Variants in CDC5L observed in about 807,000 individuals in gnomAD.
CDC5L encodes cell division cycle 5 like.
In CDC5L, 18 loss-of-function variants were observed where a neutral mutation model predicts 104.1. The ratio of observed to expected loss-of-function variants is 0.17; its 90% CI spans 0.12 to 0.26. The LOEUF (loss-of-function observed/expected upper bound fraction) is 0.26. Among genes scored for constraint, CDC5L ranks in the 10% least tolerant of loss-of-function variants. The probability of loss-of-function intolerance (pLI) is 1.00; values close to 1 mark genes in which losing one functional copy is unlikely to be tolerated. For synonymous variants in CDC5L, 331 were observed against 322.7 expected (o/e 1.03, Z -0.28); for missense variants, 673 against 956.9 (o/e 0.70, Z 3.91).
At chr6:44,412,039 G>T (rs1791665869) in intron 8 of CDC5L, among the ~76,000 whole-genome samples, 1 of 152,158 alleles carries the variant, frequency 6.6e-6, no homozygotes, top group Non-Finnish European at 1.5e-5. Context: ...AAACTGTATA[G>T]ACCTGTTAAT....
rs147889910 is a variant in CDC5L at position 44,390,327 on chromosome 6, C to T, written c.105C>T (p.Ala35=). 4 of 1,613,090 alleles carry T rather than the reference C, an allele frequency of 2.5e-6. No homozygotes were observed. The highest frequency in any genetic ancestry group is 3.3e-5 in the Admixed American group (2 of 59,974). The change falls in exon 2 of 16, where the codon GCC becomes GCT. Residue 35 remains alanine, a synonymous_variant. Coordinates refer to ENST00000371477, the MANE Select transcript of CDC5L (RefSeq NM_001253.4). ...KYGKNQWSRI[A]SLLHRKSAKQ... ...GGAAAAATCAGTGGTCTAGGATTGCCTCATTGCTGCATAGAAAATCAGCAA... is the reference window on the plus strand; with the variant it reads ...GGAAAAATCAGTGGTCTAGGATTGCTTCATTGCTGCATAGAAAATCAGCAA...
intron 5 of CDC5L, among the ~76,000 whole-genome samples, chr6:44,397,954 T>C (rs1790944822): frequency 1.3e-5 from 2 of 152,218 alleles, no homozygotes; most frequent in Non-Finnish European, 2.9e-5. Flanking sequence ...GCTTCTGGGA[T>C]TCAGGCCCTA....
chr6:44,399,354 CT>C (rs1328049953), intron 5 of CDC5L, among the ~76,000 whole-genome samples: 3 of 152,174 alleles, frequency 2.0e-5, no homozygotes, highest in African/African-American at 7.2e-5. Context: ...GTTCATTGAG[CT>C]TACTGGATGT....
At chr6:44,417,778 G>T (rs1791971809) in intron 8 of CDC5L, among the ~76,000 whole-genome samples, 1 of 152,164 alleles carries the variant, frequency 6.6e-6, no homozygotes. Context: ...AAGGTTGCTT[G>T]GGAGTATCTT....
At chr6:44,423,513 GT>G (rs1476739591) in intron 10 of CDC5L, among the ~76,000 whole-genome samples, 1 of 152,170 alleles carries the variant, frequency 6.6e-6, no homozygotes, top group Non-Finnish European at 1.5e-5. Flanking sequence ...TGTGCTTAGG[GT>G]AGTTAAAGAA....
rs555564462 is a variant in CDC5L, at chr6:44,405,286, A to T, written c.759-1037A>T. Among the ~76,000 whole-genome samples, 94 of 152,360 alleles carry T rather than the reference A, an allele frequency of 6.2e-4. 1 individual carries two copies. In the South Asian group the frequency reaches 0.018, roughly 30 times the overall value. ...TGTTACAAAACAACAGCTATCAGCC[A>T]TTGTAAAATAGGATTTTCTTAGATG... is the stretch of plus-strand genomic sequence containing the variant. On this transcript the variant is annotated intron_variant, in intron 6 of 15. Coordinates refer to ENST00000371477, the MANE Select transcript of CDC5L (RefSeq NM_001253.4).
chr6:44,435,497 G>C (rs918545175), intron 14 of CDC5L: 3 of 152,336 alleles, frequency 2.0e-5, no homozygotes, highest in African/African-American at 7.3e-5. Flanking sequence ...ATTTTTCAGG[G>C]AGCTGTCTGG....
chr6:44,391,138 A>T (rs9381317), intron 2 of CDC5L, among the ~76,000 whole-genome samples: 1 of 144,840 alleles, frequency 6.9e-6, no homozygotes, highest in East Asian at 1.9e-4. Context: ...TATGTTATAT[A>T]TTATATATTA....
chr6:44,397,960 C>G (rs1395639201), intron 5 of CDC5L, among the ~76,000 whole-genome samples: 2 of 152,148 alleles, frequency 1.3e-5, no homozygotes, highest in Non-Finnish European at 2.9e-5. Flanking sequence ...GGGATTCAGG[C>G]CCTAGAATAA....
chr6:44,406,975 T>C (rs1212704713), intron 7 of CDC5L, among the ~76,000 whole-genome samples: 3 of 152,144 alleles, frequency 2.0e-5, no homozygotes, highest in Non-Finnish European at 2.9e-5. Context: ...TGATATAGTA[T>C]GATAAGATAG....
intron 8 of CDC5L, among the ~76,000 whole-genome samples, chr6:44,414,037 A>G (rs2153379396): frequency 6.6e-6 from 1 of 152,254 alleles, no homozygotes; most frequent in South Asian, 2.1e-4. Context: ...CATTTCCCTA[A>G]TAGCTAATGA....
chr6:44,439,991 T>G (rs1459625765), intron 14 of CDC5L, among the ~76,000 whole-genome samples: 1 of 152,208 alleles, frequency 6.6e-6, no homozygotes, highest in African/African-American at 2.4e-5. Flanking sequence ...AGGAGACATA[T>G]AATCATTGCC....
chr6:44,439,244 T>C (rs1394786314), intron 14 of CDC5L, among the ~76,000 whole-genome samples: 1 of 152,210 alleles, frequency 6.6e-6, no homozygotes, highest in Non-Finnish European at 1.5e-5. Context: ...ATTTTATTTA[T>C]CCATTTATCA....
chr6:44,387,907 C>T (rs1365324210), intron 1 of CDC5L, 39 bp downstream of exon 1: 1 of 1,548,748 alleles, frequency 6.5e-7, no homozygotes, highest in African/African-American at 1.4e-5. Context: ...CCCGCCGCTC[C>T]CTCTAGCAGC....
intron 4 of CDC5L, 53 bp from the exon 5 acceptor site, chr6:44,396,288 G>T: frequency 8.7e-7 from 1 of 1,152,056 alleles, no homozygotes; most frequent in South Asian, 1.3e-5. Flanking sequence ...CTTGCTTCTA[G>T]AGTATGTAAG....
chr6:44,439,419 G>GA (rs77209008), intron 14 of CDC5L, among the ~76,000 whole-genome samples: 14,558 of 152,206 alleles, frequency 0.096, 1,474 homozygotes, highest in East Asian at 0.55. Flanking sequence ...TTCAGGGTTA[G>GA]AAAATCTTCC....
intron 8 of CDC5L, among the ~76,000 whole-genome samples, chr6:44,412,832 G>C (rs1278010341): frequency 2.1e-5 from 3 of 140,730 alleles, no homozygotes; most frequent in Non-Finnish European, 4.6e-5. Flanking sequence ...GCCCAGGCTG[G>C]AGTGCAGTGG....
At chr6:44,443,051 C>T (rs1793278845) in intron 14 of CDC5L, among the ~76,000 whole-genome samples, 1 of 150,758 alleles carries the variant, frequency 6.6e-6, no homozygotes, top group Non-Finnish European at 1.5e-5. Context: ...TTTCTTTCTT[C>T]TCTCTCCTCT....
At chr6:44,390,695 T>C (rs1790548394) in intron 2 of CDC5L, among the ~76,000 whole-genome samples, 1 of 152,184 alleles carries the variant, frequency 6.6e-6, no homozygotes, top group Non-Finnish European at 1.5e-5. Context: ...AAAGTCTACT[T>C]TCAGGGACAG....
Sources: allele counts gnomAD v4.1 joint callset (sites outside exome capture counted in the v4.1 genomes callset), GRCh38; gene constraint gnomAD v4.1.1; transcripts MANE v1.5; gene names NCBI Gene and HGNC (gene_info 2026-07-23, HGNC 2026-07-21).